The following SYK variants were observed in gnomAD, a reference collection of about 807,000 sequenced individuals.
SYK encodes the protein spleen associated tyrosine kinase.
A neutral mutation model predicts 77.8 loss-of-function variants in SYK; 16 were observed. The observed-to-expected ratio is 0.21, with a 90% CI of 0.14 to 0.31. The LOEUF (loss-of-function observed/expected upper bound fraction) is 0.31. SYK is among the 10% of genes least tolerant of loss of function. The pLI, the probability that SYK is intolerant of heterozygous loss-of-function variation, is 1.00. For synonymous variants in SYK, 312 were observed against 308.7 expected (o/e 1.01, Z -0.11); for missense variants, 529 against 814.4 (o/e 0.65, Z 4.26).
At chr9:90,825,501 A>G (rs1042262250) in intron 1 of SYK, among the ~76,000 whole-genome samples, 1 of 152,246 alleles carries the variant, frequency 6.6e-6, no homozygotes, top group Admixed American at 6.5e-5. Context: ...TTCTGCCCTT[A>G]TGGGACAAAC....
At chr9:90,809,807 C>T (rs1825008284) in intron 1 of SYK, among the ~76,000 whole-genome samples, 2 of 152,098 alleles carry the variant, frequency 1.3e-5, no homozygotes, top group African/African-American at 4.8e-5. Flanking sequence ...CTGTGGCTGT[C>T]CCCCTACGGG....
chr9:90,867,084 T>C (rs1308205304), intron 6 of SYK, 47 bp from the exon 7 acceptor site: 2 of 1,606,636 alleles, frequency 1.2e-6, no homozygotes, highest in Admixed American at 3.3e-5. Flanking sequence ...ATCCTGTATT[T>C]GTTTTCTGAA....
intron 1 of SYK, among the ~76,000 whole-genome samples, chr9:90,815,454 A>G (rs1373397774): frequency 1.3e-5 from 2 of 152,190 alleles, no homozygotes; most frequent in Admixed American, 6.5e-5. Context: ...TGTGCTGCTT[A>G]ATTTGAGTAG....
chr9:90,885,463 A>G (rs1828527967), intron 11 of SYK, among the ~76,000 whole-genome samples: 1 of 152,230 alleles, frequency 6.6e-6, no homozygotes, highest in Admixed American at 6.5e-5. Flanking sequence ...AGGTCTTTTG[A>G]AACAACCTAT....
intron 3 of SYK, among the ~76,000 whole-genome samples, chr9:90,859,798 G>T (rs1827181203): frequency 6.6e-6 from 1 of 152,182 alleles, no homozygotes. Context: ...AGCGTGGAAT[G>T]GTACTTCCCT....
chr9:90,842,758 A>T (rs10821510), intron 1 of SYK, among the ~76,000 whole-genome samples: 15,950 of 58,298 alleles, frequency 0.27, 1,253 homozygotes, highest in African/African-American at 0.43. Context: ...GTATGGAGAG[A>T]GTGTGTGTGT....
chr9:90,862,902 G>C (rs916152227), intron 4 of SYK, among the ~76,000 whole-genome samples: 3 of 152,074 alleles, frequency 2.0e-5, no homozygotes, highest in Non-Finnish European at 4.4e-5. Flanking sequence ...ATTGTAAATC[G>C]AGTCTCTCTC....
At chr9:90,893,254 A>G (rs1349627050) in intron 13 of SYK, among the ~76,000 whole-genome samples, 1 of 152,180 alleles carries the variant, frequency 6.6e-6, no homozygotes, top group African/African-American at 2.4e-5. Flanking sequence ...ACGTGTATAT[A>G]TGGGGTTTTT....
At position 90,897,980 on chromosome 9, in the gene SYK, G is replaced by A; in HGVS notation, c.*2380G>A. ...AAAAGGGCTACATTTGGGAAGCTGG[G>A]AAAGGCCTCCAGGCTTCTAGAGCAG... On this transcript the variant is annotated 3_prime_UTR_variant, in exon 14 of 14. Transcript: ENST00000375754. 1 of 229,814 alleles carries A rather than the reference G, an allele frequency of 4.4e-6. No homozygotes were observed. 14.2% of individuals were successfully genotyped at this position (229,814 alleles called of 1,614,324 possible).
intron 11 of SYK, among the ~76,000 whole-genome samples, chr9:90,881,826 A>G (rs932921102): frequency 1.3e-5 from 2 of 152,224 alleles, no homozygotes; most frequent in African/African-American, 4.8e-5. Flanking sequence ...TCTTTGATCC[A>G]GCAGCTCCTT....
chr9:90,841,538 G>T (rs1283607586), intron 1 of SYK, among the ~76,000 whole-genome samples: 1 of 74,054 alleles, frequency 1.4e-5, no homozygotes, highest in African/African-American at 4.7e-5. Flanking sequence ...CATGTAGTAT[G>T]GGGGTGTATG....
intron 1 of SYK, among the ~76,000 whole-genome samples, chr9:90,843,344 T>C (rs2118623473): frequency 6.6e-6 from 1 of 152,314 alleles, no homozygotes. Flanking sequence ...GACTGACTGC[T>C]CGAGGCAGCG....
chr9:90,872,210 T>A (rs191089281), intron 7 of SYK, among the ~76,000 whole-genome samples: 2 of 152,188 alleles, frequency 1.3e-5, no homozygotes, highest in African/African-American at 4.8e-5. Flanking sequence ...CTGGAGAACA[T>A]TCTGTGAGGT....
intron 1 of SYK, among the ~76,000 whole-genome samples, chr9:90,804,894 A>G (rs564381972): frequency 1.3e-5 from 2 of 152,228 alleles, no homozygotes; most frequent in Admixed American, 1.3e-4. Context: ...TGATGTTATC[A>G]GGGACATTTT....
At chr9:90,865,348 C>A (rs772986194) in intron 6 of SYK, among the ~76,000 whole-genome samples, 10 of 151,590 alleles carry the variant, frequency 6.6e-5, no homozygotes, top group Non-Finnish European at 1.2e-4. Flanking sequence ...CACTCTGTCA[C>A]CCTGACTGGA....
intron 3 of SYK, among the ~76,000 whole-genome samples, chr9:90,861,865 C>T (rs1335543165): frequency 6.6e-6 from 1 of 152,208 alleles, no homozygotes; most frequent in Non-Finnish European, 1.5e-5. Context: ...TGCTCATCAC[C>T]CTGAGAAGCG....
At chr9:90,852,792 G>A (rs1436867000) in intron 3 of SYK, among the ~76,000 whole-genome samples, 1 of 152,144 alleles carries the variant, frequency 6.6e-6, no homozygotes, top group East Asian at 1.9e-4. Flanking sequence ...AACAAAATAG[G>A]CATGTTTTCA....
Position 90,895,463 on chromosome 9 carries a change from C to G in SYK, c.1836-65C>G, listed in dbSNP as rs1828947778. The G allele has an allele frequency of 6.4e-7, 1 of 1,566,548 alleles. No homozygotes were observed. Among genetic ancestry groups the G allele is most frequent in the Non-Finnish European group, 8.8e-7 (1 of 1,140,824 alleles). On this transcript the variant is annotated intron_variant, in intron 13 of 13. Transcript: ENST00000375754. This position sits in a 1 kb window ranked among gnomAD's most constrained non-coding sequence, Gnocchi z 4.4. ...CACTGGTACTCAGCCTGCAGAGGCC[C>G]TGCTTGTGATCAGCAATTTTTCACA...
At chr9:90,804,989 TTTGCCCTACATCTCTTAA>T (rs1824761003) in intron 1 of SYK, among the ~76,000 whole-genome samples, 1 of 152,028 alleles carries the variant, frequency 6.6e-6, no homozygotes, top group African/African-American at 2.4e-5. Flanking sequence ...TTGTGCAAGG[TTTGCCCTACATCTCTTAA>T]AAGGTGGTTA....
Sources: allele counts gnomAD v4.1 joint callset (sites outside exome capture counted in the v4.1 genomes callset), GRCh38; gene constraint gnomAD v4.1.1; non-coding constraint Gnocchi (gnomAD v3.1); transcripts MANE v1.5; gene names NCBI Gene and HGNC (gene_info 2026-07-23, HGNC 2026-07-21).